Variants in MEF2C observed in about 807,000 individuals in gnomAD.
The protein encoded by MEF2C is myocyte-specific enhancer factor 2C.
MEF2C carries 6 observed loss-of-function variants against 50.5 expected under a neutral mutation model. That is an observed-to-expected ratio of 0.12 (90% CI 0.07 to 0.23). MEF2C has a LOEUF of 0.23. Among genes scored for constraint, MEF2C ranks in the 10% least tolerant of loss-of-function variants. The pLI, the probability that MEF2C is intolerant of heterozygous loss-of-function variation, is 1.00. For missense variants in MEF2C, 276 were observed against 605.0 expected (o/e 0.46, Z 5.70); for synonymous variants, 183 against 228.0 (o/e 0.80, Z 1.78).
intron 6 of MEF2C, chr5:88,735,794 G>A: frequency 1.0e-6 from 1 of 985,298 alleles, no homozygotes; most frequent in Non-Finnish European, 1.2e-6. Context: ...CATATTCCTG[G>A]CTTAAGATAT....
rs576336643 is a variant in MEF2C, at chr5:88,833,118, T to C, written c.-142-9188A>G. Among the ~76,000 whole-genome samples the C allele has an allele frequency of 2.8e-4, 42 of 152,282 alleles. 1 individual carries two copies. Among genetic ancestry groups the C allele is most frequent in the South Asian group, 1.7e-3 (8 of 4,832 alleles). ...AATGCCAGGAAAAACATTATGTGCATTTTCTTTATGATAATTAAATATATA... is the reference window on the plus strand; with the variant it reads ...AATGCCAGGAAAAACATTATGTGCACTTTCTTTATGATAATTAAATATATA... On this transcript the variant is annotated intron_variant, in intron 1 of 10. Transcript: ENST00000504921.
At chr5:88,833,450 A>G (rs1333862141) in intron 1 of MEF2C, among the ~76,000 whole-genome samples, 4 of 151,814 alleles carry the variant, frequency 2.6e-5, no homozygotes, top group African/African-American at 7.3e-5. Context: ...TATCCTGTGG[A>G]AAAAAAAATC....
chr5:88,766,323 C>A (rs183211780), intron 3 of MEF2C, among the ~76,000 whole-genome samples: 32 of 152,210 alleles, frequency 2.1e-4, no homozygotes, highest in Middle Eastern at 3.4e-3. Flanking sequence ...TTAGGCATTA[C>A]GTTATCAACT....
At chr5:88,880,993 T>G (rs893777282) in intron 1 of MEF2C, 3 of 152,118 alleles carry the variant, frequency 2.0e-5, no homozygotes, top group Non-Finnish European at 4.4e-5. Context: ...AATTAATGAA[T>G]GAAGTAAAAT....
intron 4 of MEF2C, among the ~76,000 whole-genome samples, chr5:88,754,366 T>C (rs570877111): frequency 2.0e-5 from 3 of 152,368 alleles, no homozygotes; most frequent in African/African-American, 4.8e-5. Flanking sequence ...GAACAGCTTC[T>C]AGGTTGCAAG....
At chr5:88,886,467 AG>A (rs1372323402), upstream of MEF2C, among the ~76,000 whole-genome samples, 1 of 152,164 alleles carries the variant, frequency 6.6e-6, no homozygotes, top group Non-Finnish European at 1.5e-5. Context: ...TGCCTTACTA[AG>A]GGATTTGTCC....
chr5:88,734,111 A>C (rs1422960586), intron 6 of MEF2C: 2 of 984,660 alleles, frequency 2.0e-6, no homozygotes, highest in African/African-American at 3.5e-5. Context: ...TTTTATATTT[A>C]ATATGTCATC....
intron 6 of MEF2C, chr5:88,734,235 G>A (rs1272953318): frequency 1.0e-6 from 1 of 985,162 alleles, no homozygotes; most frequent in East Asian, 1.1e-4. Context: ...GCTGTCAGCT[G>A]AAGGTCAGAT....
At chr5:88,821,621 AT>A (rs1808403380) in intron 2 of MEF2C, among the ~76,000 whole-genome samples, 1 of 151,846 alleles carries the variant, frequency 6.6e-6, no homozygotes, top group African/African-American at 2.4e-5. Context: ...ACTGGAGGAC[AT>A]TATGTTAAGT....
intron 1 of MEF2C, among the ~76,000 whole-genome samples, chr5:88,895,438 C>T (rs1667047163): frequency 6.6e-6 from 1 of 152,120 alleles, no homozygotes; most frequent in African/African-American, 2.4e-5. Context: ...CAGAATGATG[C>T]TCCAAGATTT....
At position 88,764,358 on chromosome 5, in the gene MEF2C, TC is replaced by T. The variant is rs781543527; in HGVS notation, c.259-3031del. ...AAACCCATATGGCCAAGCATGATGG[TC>T]CAAGGTCAGTCAACGAGTATTTGCC... On this transcript the variant is annotated intron_variant, in intron 3 of 10. Coordinates refer to ENST00000504921, the MANE Select transcript of MEF2C (RefSeq NM_002397.5). Among the ~76,000 whole-genome samples, 6 of 152,276 alleles carry T rather than the reference TC, an allele frequency of 3.9e-5. No individual in the cohort carries two copies. In the South Asian group the frequency reaches 8.3e-4, roughly 21 times the overall value.
chr5:88,869,281 A>G (rs1360983935), intron 1 of MEF2C, among the ~76,000 whole-genome samples: 1 of 63,572 alleles, frequency 1.6e-5, no homozygotes, highest in Non-Finnish European at 2.9e-5. Context: ...ATATATACAT[A>G]TATATATATA....
intron 2 of MEF2C, among the ~76,000 whole-genome samples, chr5:88,821,675 C>G (rs969364994): frequency 1.3e-5 from 2 of 151,728 alleles, no homozygotes; most frequent in African/African-American, 4.8e-5. Context: ...CATGTTCTCA[C>G]TCGTGTGGGA....
intron 1 of MEF2C, 96 bp from the exon 2 acceptor site, chr5:88,824,026 G>C: frequency 8.9e-7 from 1 of 1,128,796 alleles, no homozygotes; most frequent in Non-Finnish European, 1.1e-6. Context: ...AAACTATATG[G>C]AGCTAAAGCA....
chr5:88,746,837 A>G (rs1329614247), intron 6 of MEF2C, among the ~76,000 whole-genome samples: 1 of 152,214 alleles, frequency 6.6e-6, no homozygotes, highest in African/African-American at 2.4e-5. Flanking sequence ...GACCAGAGTT[A>G]GAAAGGGCTT....
In MEF2C at chr5:88,719,276, T is replaced by C. The variant is rs1218466231; in HGVS notation, c.*3328A>G. Reference sequence around the variant, plus strand: ...ATGACAGGTATTTTTATATTCATCATTACAAAATGCTAAATTCCACCTTTG... The same window carrying C: ...ATGACAGGTATTTTTATATTCATCACTACAAAATGCTAAATTCCACCTTTG... On this transcript the variant is annotated 3_prime_UTR_variant, in exon 11 of 11. Transcript: ENST00000504921. The C allele has an allele frequency of 6.6e-6, 1 of 152,196 alleles. No individual in the cohort carries two copies. The highest frequency in any genetic ancestry group is 1.9e-4 in the East Asian group (1 of 5,204). The allele number at this position is 152,196 out of a possible 1,614,324, so 9.4% of individuals were successfully genotyped here.
chr5:88,835,917 T>C (rs1814919339), intron 1 of MEF2C, among the ~76,000 whole-genome samples: 1 of 151,870 alleles, frequency 6.6e-6, no homozygotes, highest in Admixed American at 6.6e-5. Context: ...CAGAAATGCC[T>C]AATGACAAAT....
At chr5:88,890,018 C>T (rs1834367079) in intron 1 of MEF2C, among the ~76,000 whole-genome samples, 1 of 152,212 alleles carries the variant, frequency 6.6e-6, no homozygotes. Flanking sequence ...GCCGCCGCCC[C>T]TGTCCCACTC....
At chr5:88,895,791 C>G (rs1334934625) in intron 1 of MEF2C, among the ~76,000 whole-genome samples, 1 of 140,830 alleles carries the variant, frequency 7.1e-6, no homozygotes, top group Non-Finnish European at 1.6e-5. Flanking sequence ...AAAGTCCTTT[C>G]ATCCCTCAGC....
Sources: allele counts gnomAD v4.1 joint callset (sites outside exome capture counted in the v4.1 genomes callset), GRCh38; gene constraint gnomAD v4.1.1; transcripts MANE v1.5; gene names NCBI Gene and HGNC (gene_info 2026-07-23, HGNC 2026-07-21).